Variants in PROB1 observed in about 807,000 individuals in gnomAD.
The protein encoded by PROB1 is proline-rich basic protein 1.
For synonymous variants in PROB1, 660 were observed against 699.3 expected (o/e 0.94, Z 0.89); for missense variants, 1,453 against 1,485.7 (o/e 0.98, Z 0.36).
At position 139,392,725 on chromosome 5, in the gene PROB1, G is replaced by A. The variant is rs1210727376; in HGVS notation, c.2357C>T (p.Ser786Phe). 1 of 1,411,758 alleles carries A rather than the reference G, an allele frequency of 7.1e-7. No homozygotes were observed. The highest frequency in any genetic ancestry group is 9.2e-7 in the Non-Finnish European group (1 of 1,082,944). 87.5% of individuals were successfully genotyped at this position (1,411,758 alleles called of 1,614,324 possible). ...TSPLGGARSS[S>F]QRSPVGPAGV... ...TGCTGGCCCTACGGGGGAGCGCTGG[G>A]ATGAGCTGCGGGCGCCGCCTAGAGG... Residue 786 changes from serine to phenylalanine, a missense_variant, in exon 1 of 1, where the codon TCC becomes TTC. Coordinates refer to ENST00000434752, the MANE Select transcript of PROB1 (RefSeq NM_001161546.2). The surrounding 1 kb of genome is among the most constrained non-coding windows in gnomAD (Gnocchi z 5.8).
chr5:139,394,952 G>C lies in PROB1; in HGVS notation c.130C>G (p.Pro44Ala). ...YYTAPGSPEP[P>A]DVGPDAKGPA... ...CCTTTCGCGTCCGGCCCAACGTCCGGGGGCTCCGGAGAACCTGGAGCCGTG... is the reference window on the plus strand; with the variant it reads ...CCTTTCGCGTCCGGCCCAACGTCCGCGGGCTCCGGAGAACCTGGAGCCGTG... The change falls in exon 1 of 1, where the codon CCG becomes GCG. Residue 44 changes from proline to alanine, a missense_variant. Pro to Ala is a conservative substitution (Grantham distance 27). Coordinates refer to ENST00000434752, the MANE Select transcript of PROB1 (RefSeq NM_001161546.2). 6.6e-7 allele frequency: 1 copy of C among 1,521,684 alleles called. No homozygotes were observed. The highest frequency in any genetic ancestry group is 8.8e-7 in the Non-Finnish European group (1 of 1,135,944). The allele number at this position is 1,521,684 out of a possible 1,614,324, so 94.3% of individuals were successfully genotyped here. A position where few individuals can be genotyped will look rare whatever the true frequency, so the allele number is the denominator to read the frequency against.
rs1472709170 is a variant in PROB1, at chr5:139,393,537, G to A, written c.1545C>T (p.Gly515=). The A allele has an allele frequency of 1.3e-6, 2 of 1,551,288 alleles. No homozygotes were observed. Residue 515 remains glycine (G), a synonymous_variant, in exon 1 of 1, where the codon GGC becomes GGT. Coordinates refer to ENST00000434752, the MANE Select transcript of PROB1 (RefSeq NM_001161546.2). ...GATCCCATGTCTCTTGGGGAGATGG[G>A]CCCCAAGTTCCAATAGGACGATCTG... ...EAPDRPIGTW[G]PSPQETWDPM...
Position 139,393,472 on chromosome 5 carries a change from G to A in PROB1, c.1610C>T (p.Ala537Val). Residue 537 changes from alanine (A) to valine (V), a missense_variant, in exon 1 of 1, where the codon GCT becomes GTT. Physicochemically the swap from Ala to Val is moderately conservative, Grantham distance 64. Transcript: ENST00000434752. Reference sequence around the variant, plus strand: ...CTCCTCCTGAGTTAACCCATTCTGAGCTTCCTGAGTAAATGCTATCGATGA... The same window carrying A: ...CTCCTCCTGAGTTAACCCATTCTGAACTTCCTGAGTAAATGCTATCGATGA... ...PGSSIAFTQE[A>V]QNGLTQEELA... is the part of the protein sequence containing the mutation. 6.4e-7 allele frequency: 1 copy of A among 1,551,674 alleles called. No individual in the cohort carries two copies. The highest frequency in any genetic ancestry group is 8.7e-7 in the Non-Finnish European group (1 of 1,146,998).
rs1325280982 is a variant in PROB1 at position 139,394,807 on chromosome 5, G to A, written c.275C>T (p.Pro92Leu). ...CTGGGGTGGCCGTGGGCCGGAACCT[G>A]GGCCTCGCGGGAAACCCGAGCCGGG... ...HGPGSGFPRG[P>L]GSGPRPPQPQ... is the part of the protein sequence containing the mutation. Residue 92 changes from proline (P) to leucine (L), a missense_variant, in exon 1 of 1, where the codon CCA becomes CTA. Pro to Leu is a moderately conservative substitution (Grantham distance 98). Transcript: ENST00000434752. 3 of 1,529,352 alleles carry A rather than the reference G, an allele frequency of 2.0e-6. No individual in the cohort carries two copies. The South Asian group carries it at 3.6e-5, about 19-fold the overall frequency. 94.7% of individuals were successfully genotyped at this position (1,529,352 alleles called of 1,614,324 possible).
Position 139,394,288 on chromosome 5 carries a change from G to T in PROB1, c.794C>A (p.Ala265Asp), listed in dbSNP as rs1303231964. ...LARKLSPEAP[A>D]PSSATFGSTG... ...GGACCCGAAGGTGGCGCTGCTCGGG[G>T]CCGGGGCCTCGGGGCTCAGTTTTCT... The change falls in exon 1 of 1, where the codon GCC (alanine) becomes GAC (aspartate). Residue 265 changes from alanine (A) to aspartate (D), a missense_variant. Ala to Asp is a moderately radical substitution (Grantham distance 126, BLOSUM62 -2). Coordinates refer to ENST00000434752, the MANE Select transcript of PROB1 (RefSeq NM_001161546.2). 1 of 1,530,082 alleles carries T rather than the reference G, an allele frequency of 6.5e-7. No individual in the cohort carries two copies. The highest frequency in any genetic ancestry group is 8.8e-7 in the Non-Finnish European group (1 of 1,138,064). 94.8% of individuals were successfully genotyped at this position (1,530,082 alleles called of 1,614,324 possible).
rs1346991111 is a variant in PROB1, at chr5:139,390,728, T to C, written c.*1306A>G. ...GCTAGAAAATGGCCAGTTGTTCTGA[T>C]TCGTAGCTCTCCTAGTCAGCTTCCA... On this transcript the variant is annotated 3_prime_UTR_variant, in exon 1 of 1. Coordinates refer to ENST00000434752, the MANE Select transcript of PROB1 (RefSeq NM_001161546.2). The C allele has an allele frequency of 6.6e-6, 1 of 152,272 alleles. No homozygotes were observed. Among genetic ancestry groups the C allele is most frequent in the Non-Finnish European group, 1.5e-5 (1 of 68,076 alleles). The allele number at this position is 152,272 out of a possible 1,614,324, so 9.4% of individuals were successfully genotyped here.
Position 139,392,015 on chromosome 5 carries a change from T to C in PROB1, c.*19A>G, listed in dbSNP as rs2152076398. On this transcript the variant is annotated 3_prime_UTR_variant, in exon 1 of 1. Coordinates refer to ENST00000434752, the MANE Select transcript of PROB1 (RefSeq NM_001161546.2). This position sits in a 1 kb window ranked among gnomAD's most constrained non-coding sequence, Gnocchi z 5.8. ...CAGGCATCCAAGGGCTCCAACTCCA[T>C]GGGGATCGGCCCGGGGCCTCACAGC... 7.3e-7 allele frequency: 1 copy of C among 1,365,706 alleles called. No individual in the cohort carries two copies. The highest frequency in any genetic ancestry group is 9.5e-7 in the Non-Finnish European group (1 of 1,054,014). 84.6% of individuals were successfully genotyped at this position (1,365,706 alleles called of 1,614,324 possible).
Position 139,392,269 on chromosome 5 carries a change from C to T in PROB1, c.2813G>A (p.Gly938Asp). 6.7e-7 allele frequency: 1 copy of T among 1,502,016 alleles called. No individual in the cohort carries two copies. Among genetic ancestry groups the T allele is most frequent in the Non-Finnish European group, 8.9e-7 (1 of 1,123,048 alleles). The allele number at this position is 1,502,016 out of a possible 1,614,324, so 93.0% of individuals were successfully genotyped here. A position where few individuals can be genotyped will look rare whatever the true frequency, so the allele number is the denominator to read the frequency against. ...AGGCCCATAGGCGGGCGGGTAGAGG[C>T]CGAGCCCCAGGGCCAGAGGGGTGTA... The part of the protein sequence containing the change: ...RVYTPLALGL[G>D]LYPPAYGPIP... The change falls in exon 1 of 1, where the codon GGC becomes GAC. Residue 938 changes from glycine to aspartate, a missense_variant. Coordinates refer to ENST00000434752, the MANE Select transcript of PROB1 (RefSeq NM_001161546.2). The surrounding 1 kb of genome is among the most constrained non-coding windows in gnomAD (Gnocchi z 5.8).
In PROB1 at chr5:139,393,743, T is replaced by C. The variant is rs1290823020; in HGVS notation, c.1339A>G (p.Thr447Ala). 1.3e-5 allele frequency: 20 copies of C among 1,551,272 alleles called. No individual in the cohort carries two copies. Among genetic ancestry groups the C allele is most frequent in the Non-Finnish European group, 1.7e-5 (19 of 1,146,992 alleles). Reference sequence around the variant, plus strand: ...GGGGAAGGGCTTCTCCTGCTGACAGTTTCCTCGACGGCAGGATTTTGATTT... The same window carrying C: ...GGGGAAGGGCTTCTCCTGCTGACAGCTTCCTCGACGGCAGGATTTTGATTT... Reference protein sequence around the residue: ...WENQNPAVEETVSRRSPSPPI... With the variant: ...WENQNPAVEEAVSRRSPSPPI... The change falls in exon 1 of 1, where the codon ACT becomes GCT. Residue 447 changes from threonine to alanine, a missense_variant. Thr to Ala is a moderately conservative substitution (Grantham distance 58). Transcript: ENST00000434752.
In PROB1 at chr5:139,394,377, A is replaced by G. The variant is rs1341806108; in HGVS notation, c.705T>C (p.Gly235=). 2.8e-5 allele frequency: 40 copies of G among 1,406,874 alleles called. No homozygotes were observed. Among genetic ancestry groups the G allele is most frequent in the Non-Finnish European group, 3.7e-5 (40 of 1,088,622 alleles). 87.1% of individuals were successfully genotyped at this position (1,406,874 alleles called of 1,614,324 possible). Residue 235 remains glycine, a synonymous_variant, in exon 1 of 1, where the codon GGT becomes GGC. Transcript: ENST00000434752. ...GGGGGCCCAGCGACTCGTCCAGGGAACCGGTGCGCAGGAGCAGCCGGGGGC... is the reference window on the plus strand; with the variant it reads ...GGGGGCCCAGCGACTCGTCCAGGGAGCCGGTGCGCAGGAGCAGCCGGGGGC... ...APRPRLLLRT[G]SLDESLGPLQ...
In PROB1 at chr5:139,392,544, C is replaced by T; in HGVS notation, c.2538G>A (p.Thr846=). The T allele has an allele frequency of 7.4e-7, 1 of 1,347,446 alleles. No homozygotes were observed. The highest frequency in any genetic ancestry group is 1.9e-5 in the South Asian group (1 of 52,958). The allele number at this position is 1,347,446 out of a possible 1,614,324, so 83.5% of individuals were successfully genotyped here. A position where few individuals can be genotyped will look rare whatever the true frequency, so the allele number is the denominator to read the frequency against. ...PREPLALAGR[T]APAQPRAASA... is the part of the protein sequence containing the mutation. ...AGGCAGCGCGGGGCTGGGCTGGGGC[C>T]GTCCTGCCCGCCAACGCCAGGGGCT... Residue 846 remains threonine (T), a synonymous_variant, in exon 1 of 1, where the codon ACG becomes ACA. Coordinates refer to ENST00000434752, the MANE Select transcript of PROB1 (RefSeq NM_001161546.2). The surrounding 1 kb of genome is among the most constrained non-coding windows in gnomAD (Gnocchi z 5.8).
In PROB1 at chr5:139,393,084, T is replaced by C. The variant is rs1320917281; in HGVS notation, c.1998A>G (p.Gln666=). The part of the protein sequence containing the change: ...CGEEGGESKT[Q]EPPALGPPAP... Reference sequence around the variant, plus strand: ...CGGGGGGCCCCAGTGCTGGCGGCTCTTGCGTCTTGGATTCGCCGCCCTCCT... The same window carrying C: ...CGGGGGGCCCCAGTGCTGGCGGCTCCTGCGTCTTGGATTCGCCGCCCTCCT... The change falls in exon 1 of 1, where the codon CAA becomes CAG. Residue 666 remains glutamine, a synonymous_variant. Transcript: ENST00000434752. 3 of 1,527,464 alleles carry C rather than the reference T, an allele frequency of 2.0e-6. No homozygotes were observed. Among genetic ancestry groups the C allele is most frequent in the East Asian group, 2.5e-5 (1 of 40,624 alleles). 94.6% of individuals were successfully genotyped at this position (1,527,464 alleles called of 1,614,324 possible).
chr5:139,394,694 C>A lies in PROB1; in HGVS notation c.388G>T (p.Glu130Ter). ...LFGCSGADDR[E>*]AQQQFTEPAF... Reference sequence around the variant, plus strand: ...GGCTCCGTGAACTGTTGTTGCGCCTCGCGATCGTCTGCGCCGGAGCAGCCG... The same window carrying A: ...GGCTCCGTGAACTGTTGTTGCGCCTAGCGATCGTCTGCGCCGGAGCAGCCG... The change falls in exon 1 of 1, where the codon GAG (glutamate) becomes TAG (stop). Residue 130 changes from glutamate (E) to a stop codon, truncating the protein, a stop_gained. Transcript: ENST00000434752. LOFTEE classifies it low-confidence loss of function (END_TRUNC). 4 of 1,533,744 alleles carry A rather than the reference C, an allele frequency of 2.6e-6. No homozygotes were observed. The highest frequency in any genetic ancestry group is 3.5e-6 in the Non-Finnish European group (4 of 1,145,044).
rs752988326 is a variant in PROB1 at position 139,394,810 on chromosome 5, C to T, written c.272G>A (p.Gly91Asp). ...RHGPGSGFPR[G>D]PGSGPRPPQP... ...GGGTGGCCGTGGGCCGGAACCTGGG[C>T]CTCGCGGGAAACCCGAGCCGGGCCC... Residue 91 changes from glycine to aspartate, a missense_variant, in exon 1 of 1, where the codon GGC becomes GAC. By Grantham distance (94) the Gly-to-Asp change is moderately conservative (BLOSUM62 -1). Transcript: ENST00000434752. 6.5e-7 allele frequency: 1 copy of T among 1,529,248 alleles called. No homozygotes were observed. The highest frequency in any genetic ancestry group is 1.2e-5 in the South Asian group (1 of 82,446). 94.7% of individuals were successfully genotyped at this position (1,529,248 alleles called of 1,614,324 possible).
chr5:139,391,958 A>G lies in PROB1; in HGVS notation c.*76T>C. 5.1e-6 allele frequency: 6 copies of G among 1,171,162 alleles called. No homozygotes were observed. Among genetic ancestry groups the G allele is most frequent in the Non-Finnish European group, 6.6e-6 (6 of 904,686 alleles). The allele number at this position is 1,171,162 out of a possible 1,614,324, so 72.5% of individuals were successfully genotyped here. A position where few individuals can be genotyped will look rare whatever the true frequency, so the allele number is the denominator to read the frequency against. On this transcript the variant is annotated 3_prime_UTR_variant, in exon 1 of 1. Coordinates refer to ENST00000434752, the MANE Select transcript of PROB1 (RefSeq NM_001161546.2). This position sits in a 1 kb window ranked among gnomAD's most constrained non-coding sequence, Gnocchi z 4.8. ...TTAAAGACAGAGGCGACGGAAGGAGAGGAGGGTAGGGGCTTGGATGCCAGA... is the reference window on the plus strand; with the variant it reads ...TTAAAGACAGAGGCGACGGAAGGAGGGGAGGGTAGGGGCTTGGATGCCAGA...
Position 139,392,783 on chromosome 5 carries a change from G to T in PROB1, c.2299C>A (p.Arg767Ser). ...CGACCGTCGCCGTCGGGGACCAGGC[G>T]CTGGGCCTCTACATCCCTGTTCTCT... The part of the protein sequence containing the change: ...GGENRDVEAQ[R>S]LVPDGDGRTS... Residue 767 changes from arginine to serine, a missense_variant, in exon 1 of 1, where the codon CGC (arginine) becomes AGC (serine). Transcript: ENST00000434752. The surrounding 1 kb of genome is among the most constrained non-coding windows in gnomAD (Gnocchi z 5.8). 1 of 1,450,476 alleles carries T rather than the reference G, an allele frequency of 6.9e-7. No individual in the cohort carries two copies. Among genetic ancestry groups the T allele is most frequent in the Non-Finnish European group, 9.1e-7 (1 of 1,098,374 alleles). The allele number at this position is 1,450,476 out of a possible 1,614,324, so 89.9% of individuals were successfully genotyped here.
chr5:139,392,814 AGG>A lies in PROB1; in HGVS notation c.2266_2267del (p.Pro756TrpfsTer153). The A allele has an allele frequency of 6.6e-7, 1 of 1,515,074 alleles. No individual in the cohort carries two copies. Among genetic ancestry groups the A allele is most frequent in the South Asian group, 1.3e-5 (1 of 79,580 alleles). The allele number at this position is 1,515,074 out of a possible 1,614,324, so 93.9% of individuals were successfully genotyped here. ...EVTSRVRARG[P>X]GGENRDVEAQ... ...CCTCTACATCCCTGTTCTCTCCTCC[AGG>A]GCCGCGCGCTCGCACTCGCGAGGTT... On this transcript the variant is annotated frameshift_variant, in exon 1 of 1. Coordinates refer to ENST00000434752, the MANE Select transcript of PROB1 (RefSeq NM_001161546.2). LOFTEE classifies it low-confidence loss of function (END_TRUNC). This position sits in a 1 kb window ranked among gnomAD's most constrained non-coding sequence, Gnocchi z 5.8.
rs1328462526 is a variant in PROB1 at position 139,392,494 on chromosome 5, G to A, written c.2588C>T (p.Pro863Leu). The A allele has an allele frequency of 2.2e-6, 3 of 1,367,224 alleles. No individual in the cohort carries two copies. The highest frequency in any genetic ancestry group is 1.5e-5 in the African/African-American group (1 of 65,222). The allele number at this position is 1,367,224 out of a possible 1,614,324, so 84.7% of individuals were successfully genotyped here. A position where few individuals can be genotyped will look rare whatever the true frequency, so the allele number is the denominator to read the frequency against. The change falls in exon 1 of 1, where the codon CCG (proline) becomes CTG (leucine). Residue 863 changes from proline (P) to leucine (L), a missense_variant. Pro to Leu is a moderately conservative substitution (Grantham distance 98). Coordinates refer to ENST00000434752, the MANE Select transcript of PROB1 (RefSeq NM_001161546.2). The surrounding 1 kb of genome is among the most constrained non-coding windows in gnomAD (Gnocchi z 5.8). ...GCGCGCTCCCTGGGAGGGGCTTTGC[G>A]GGGACCGGTCCGTGGGAGGCGCCGA... ...AASAPPTDRS[P>L]QSPSQGARRQ...
Position 139,392,228 on chromosome 5 carries a change from G to A in PROB1, c.2854C>T (p.Leu952=). Residue 952 remains leucine (L), a synonymous_variant, in exon 1 of 1, where the codon CTG becomes TTG. Coordinates refer to ENST00000434752, the MANE Select transcript of PROB1 (RefSeq NM_001161546.2). The surrounding 1 kb of genome is among the most constrained non-coding windows in gnomAD (Gnocchi z 5.8). The part of the protein sequence containing the change: ...PAYGPIPSLS[L]PPSPGPQALG... ...GCCTGCGGGCCCGGGGACGGTGGCA[G>A]AGAGAGGCTGGGTATAGGCCCATAG... is the stretch of plus-strand genomic sequence containing the variant. 2.1e-6 allele frequency: 3 copies of A among 1,449,516 alleles called. No homozygotes were observed. The highest frequency in any genetic ancestry group is 2.7e-6 in the Non-Finnish European group (3 of 1,095,104). The allele number at this position is 1,449,516 out of a possible 1,614,324, so 89.8% of individuals were successfully genotyped here. A position where few individuals can be genotyped will look rare whatever the true frequency, so the allele number is the denominator to read the frequency against.
Sources: gnomAD v4.1 joint callset for allele counts on GRCh38, gnomAD v4.1.1 for gene constraint, Gnocchi (gnomAD v3.1) non-coding constraint, MANE v1.5 for transcripts, NCBI Gene and HGNC (gene_info 2026-07-23, HGNC 2026-07-21) for gene names.